The following CSMD1 variants were observed in gnomAD, a reference collection of about 807,000 sequenced individuals.
CSMD1 encodes the protein CUB and sushi domain-containing protein 1.
In CSMD1, 213 loss-of-function variants were observed where a neutral mutation model predicts 417.5. The observed-to-expected ratio is 0.51, with a 90% CI of 0.46 to 0.57. CSMD1 has a LOEUF of 0.57. Ranked by LOEUF, CSMD1 falls within the 20% of genes least tolerant of loss-of-function variation. CSMD1 has a pLI of 0.00. For missense variants in CSMD1, 6,923 were observed against 4,529.7 expected (o/e 1.53, Z -15.17); for synonymous variants, 2,862 against 1,736.8 (o/e 1.65, Z -16.11).
chr8:3,315,456 G>GTA (rs200280487), intron 23 of CSMD1, among the ~76,000 whole-genome samples: 2,763 of 143,426 alleles, frequency 0.019, 29 homozygotes, highest in Non-Finnish European at 0.032. Context: ...GTGTGTGTGT[G>GTA]TGTGTGATTT....
chr8:4,241,228 T>C (rs112466417), intron 3 of CSMD1, among the ~76,000 whole-genome samples: 39 of 152,192 alleles, frequency 2.6e-4, no homozygotes, highest in African/African-American at 8.9e-4. Flanking sequence ...CACACTAGAA[T>C]AGAATTTGAC....
chr8:3,468,209 G>C lies in CSMD1; in HGVS notation c.1561+503C>G, dbSNP rs528441918. Among the ~76,000 whole-genome samples, 6 of 152,306 alleles carry C rather than the reference G, an allele frequency of 3.9e-5. No individual in the cohort carries two copies. The East Asian group carries it at 7.7e-4, about 20-fold the overall frequency. The stretch of plus-strand genomic sequence containing the variant: ...AATTCATTTGCATTTCAATGGTTCA[G>C]AAATTGTTTGCATTGCTATCAGTTT... On this transcript the variant is annotated intron_variant, in intron 12 of 69. Coordinates refer to ENST00000635120, the MANE Select transcript of CSMD1 (RefSeq NM_033225.6).
chr8:4,654,600 A>C (rs1212312374), intron 1 of CSMD1, among the ~76,000 whole-genome samples: 1 of 152,076 alleles, frequency 6.6e-6, no homozygotes, highest in Non-Finnish European at 1.5e-5. Flanking sequence ...TATATTAGGA[A>C]GTTCATATGG....
chr8:4,268,267 G>C (rs909370475), intron 3 of CSMD1, among the ~76,000 whole-genome samples: 2 of 152,116 alleles, frequency 1.3e-5, no homozygotes, highest in African/African-American at 4.8e-5. Flanking sequence ...TACTAATTGA[G>C]TTTCTATATT....
At chr8:3,846,775 G>C (rs1286527607) in intron 5 of CSMD1, among the ~76,000 whole-genome samples, 1 of 152,040 alleles carries the variant, frequency 6.6e-6, no homozygotes, top group Non-Finnish European at 1.5e-5. Context: ...TCTGGTTCTA[G>C]CGATTCTCCT....
At chr8:3,185,351 G>A (rs1285225786) in intron 36 of CSMD1, among the ~76,000 whole-genome samples, 1 of 152,198 alleles carries the variant, frequency 6.6e-6, no homozygotes, top group African/African-American at 2.4e-5. Flanking sequence ...CAGAGGCAAT[G>A]TGGTCACTTC....
chr8:3,136,887 G>A lies in CSMD1; in HGVS notation c.6241+5578C>T, dbSNP rs369145508. 4.0e-3 allele frequency among the ~76,000 whole-genome samples: 606 copies of A among 151,912 alleles called. 4 individuals are homozygous for A. Among genetic ancestry groups the A allele is most frequent in the African/African-American group, 0.014 (589 of 41,440 alleles). On this transcript the variant is annotated intron_variant, in intron 41 of 69. Coordinates refer to ENST00000635120, the MANE Select transcript of CSMD1 (RefSeq NM_033225.6). Reference sequence around the variant, plus strand: ...GCCAGTATCTGCAGTGACATGAATTGGCTAAATTTTTTTAAAAATTTTTTT... The same window carrying A: ...GCCAGTATCTGCAGTGACATGAATTAGCTAAATTTTTTTAAAAATTTTTTT...
At chr8:3,480,050 G>C (rs1014762814) in intron 11 of CSMD1, among the ~76,000 whole-genome samples, 10 of 152,078 alleles carry the variant, frequency 6.6e-5, no homozygotes, top group African/African-American at 2.4e-4. Context: ...AAACAACAGA[G>C]ACAAAACAGA....
At position 4,327,074 on chromosome 8, in the gene CSMD1, T is replaced by C. The variant is rs569209937; in HGVS notation, c.415+92879A>G. Among the ~76,000 whole-genome samples, 102 of 152,156 alleles carry C rather than the reference T, an allele frequency of 6.7e-4. 1 individual carries two copies. Among genetic ancestry groups the C allele is most frequent in the Non-Finnish European group, 1.2e-4 (8 of 67,996 alleles). ...TCAGAAGACGACTTCAAATAAGAGA[T>C]GAGGTTGTAGCATATTCTTGAACAG... is the stretch of plus-strand genomic sequence containing the variant. On this transcript the variant is annotated intron_variant, in intron 3 of 69. Transcript: ENST00000635120.
chr8:3,543,856 G>C (rs1209431715), intron 10 of CSMD1, among the ~76,000 whole-genome samples: 2 of 152,162 alleles, frequency 1.3e-5, no homozygotes, highest in African/African-American at 4.8e-5. Context: ...TGTATTTGAA[G>C]CTGCAGGATC....
At chr8:3,354,229 G>T (rs1000227372) in intron 21 of CSMD1, among the ~76,000 whole-genome samples, 1 of 152,108 alleles carries the variant, frequency 6.6e-6, no homozygotes, top group Admixed American at 6.5e-5. Flanking sequence ...GAAGCAACTT[G>T]TCCACCTAAA....
intron 1 of CSMD1, among the ~76,000 whole-genome samples, chr8:4,820,418 C>T (rs1287420120): frequency 3.3e-5 from 5 of 152,210 alleles, no homozygotes; most frequent in South Asian, 2.1e-4. Context: ...AAAATATACA[C>T]GAGAGCAAGA....
chr8:3,182,859 T>TGTGTGTGTGTGTGTGTGTGTGTGTGC (rs1821471471), intron 36 of CSMD1: 3 of 122,528 alleles, frequency 2.4e-5, no homozygotes, highest in Non-Finnish European at 5.1e-5. Flanking sequence ...TGTGTGTGTG[T>TGTGTGTGTGTGTGTGTGTGTGTGTGC]GTGTGTGTGT....
chr8:4,317,978 G>C (rs968274407), intron 3 of CSMD1, among the ~76,000 whole-genome samples: 4 of 152,224 alleles, frequency 2.6e-5, no homozygotes, highest in African/African-American at 7.2e-5. Context: ...TTTTATAATA[G>C]TTATTGAATA....
chr8:4,224,671 C>G (rs1387094006), intron 3 of CSMD1, among the ~76,000 whole-genome samples: 1 of 152,222 alleles, frequency 6.6e-6, no homozygotes, highest in African/African-American at 2.4e-5. Flanking sequence ...GAATTCCCCA[C>G]TGCTCAATTT....
intron 4 of CSMD1, among the ~76,000 whole-genome samples, chr8:4,008,329 A>G (rs1015845364): frequency 6.6e-6 from 1 of 152,000 alleles, no homozygotes; most frequent in Non-Finnish European, 1.5e-5. Flanking sequence ...TGATCTATTA[A>G]TATAATGGAA....
intron 7 of CSMD1, among the ~76,000 whole-genome samples, chr8:3,687,475 C>A (rs1303107046): frequency 6.6e-6 from 1 of 152,180 alleles, no homozygotes; most frequent in African/African-American, 2.4e-5. Context: ...AGCAATAAAA[C>A]AGTAAGATCT....
At chr8:4,287,649 A>G (rs1053188119) in intron 3 of CSMD1, among the ~76,000 whole-genome samples, 5 of 128,548 alleles carry the variant, frequency 3.9e-5, no homozygotes, top group South Asian at 2.8e-4. Flanking sequence ...CAGTCTCGTC[A>G]TAGGTGGTAT....
intron 8 of CSMD1, among the ~76,000 whole-genome samples, chr8:3,588,330 A>AC (rs200390817): frequency 1.0e-4 from 4 of 38,348 alleles, no homozygotes; most frequent in African/African-American, 2.8e-4. Context: ...AGAAAACAAA[A>AC]AGTCATAAAG....
Sources: gnomAD v4.1 joint callset for allele counts (sites outside exome capture counted in the v4.1 genomes callset) on GRCh38, gnomAD v4.1.1 for gene constraint, MANE v1.5 for transcripts, NCBI Gene and HGNC (gene_info 2026-07-23, HGNC 2026-07-21) for gene names.